The following PADI1 variants were observed in gnomAD, a reference collection of about 807,000 sequenced individuals.
PADI1 encodes the protein protein-arginine deiminase type-1.
Under a neutral mutation model 74.8 loss-of-function variants are expected in PADI1, and 65 were observed. The observed-to-expected ratio is 0.87, with a 90% CI of 0.71 to 1.07. The LOEUF is 1.07. PADI1 is among the 50% of genes least tolerant of loss of function. The pLI, the probability that PADI1 is intolerant of heterozygous loss-of-function variation, is 0.00. For synonymous variants in PADI1, 371 were observed against 336.2 expected (o/e 1.10, Z -1.13); for missense variants, 943 against 854.0 (o/e 1.10, Z -1.30).
intron 2 of PADI1, 76 bp downstream of exon 2, chr1:17,222,546 T>C (rs1014506259): frequency 8.8e-7 from 1 of 1,142,852 alleles, no homozygotes; most frequent in South Asian, 1.3e-5. Flanking sequence ...ACATTGGCAA[T>C]TCCCATTCCA....
At chr1:17,211,428 G>A (rs1430160240) in intron 1 of PADI1, among the ~76,000 whole-genome samples, 5 of 151,988 alleles carry the variant, frequency 3.3e-5, no homozygotes, top group Admixed American at 6.6e-5. Context: ...CAAAGTGCTC[G>A]GATTACAGGC....
At chr1:17,226,003 G>A (rs760858654) in intron 5 of PADI1, 30 bp from the exon 6 acceptor site, 1 of 1,612,620 alleles carries the variant, frequency 6.2e-7, no homozygotes, top group Non-Finnish European at 8.5e-7. Context: ...GGTGGAGAAA[G>A]GGCGATCTCA....
intron 1 of PADI1, among the ~76,000 whole-genome samples, chr1:17,210,022 T>C (rs1317796352): frequency 6.6e-6 from 1 of 152,070 alleles, no homozygotes; most frequent in Non-Finnish European, 1.5e-5. Context: ...GTATTTTTAA[T>C]GGAGACAAGG....
chr1:17,239,638 C>G (rs1393053320), intron 13 of PADI1, 66 bp from the exon 14 acceptor site: 1 of 1,190,480 alleles, frequency 8.4e-7, no homozygotes, highest in African/African-American at 1.5e-5. Context: ...GATTATGTAG[C>G]CCCAGGCTGA....
chr1:17,231,666 T>A (rs2072493668), intron 10 of PADI1, among the ~76,000 whole-genome samples: 1 of 152,176 alleles, frequency 6.6e-6, no homozygotes, highest in Non-Finnish European at 1.5e-5. Flanking sequence ...TCTGCTCTCA[T>A]CTTTATCATT....
At chr1:17,210,502 C>G (rs1021064322) in intron 1 of PADI1, among the ~76,000 whole-genome samples, 1 of 152,112 alleles carries the variant, frequency 6.6e-6, no homozygotes, top group Admixed American at 6.6e-5. Flanking sequence ...AGCTGTCCCT[C>G]TTCTCCAGCC....
At chr1:17,233,984 G>A (rs375565683) in intron 11 of PADI1, among the ~76,000 whole-genome samples, 1 of 152,210 alleles carries the variant, frequency 6.6e-6, no homozygotes, top group East Asian at 1.9e-4. Flanking sequence ...CTACTGTGTG[G>A]GCTGTTCTAC....
chr1:17,228,152 G>A (rs2072375610), intron 6 of PADI1, among the ~76,000 whole-genome samples: 1 of 152,010 alleles, frequency 6.6e-6, no homozygotes, highest in South Asian at 2.1e-4. Flanking sequence ...CACCACGCCT[G>A]GCTATTTTAA....
chr1:17,215,819 A>C (rs976628932), intron 1 of PADI1, among the ~76,000 whole-genome samples: 4 of 152,248 alleles, frequency 2.6e-5, no homozygotes, highest in African/African-American at 9.6e-5. Flanking sequence ...AGCATAAAAC[A>C]GAAAAAAAAT....
chr1:17,229,193 G>A, intron 8 of PADI1, 142 bp downstream of exon 8: 1 of 656,778 alleles, frequency 1.5e-6, no homozygotes, highest in South Asian at 1.8e-5. Flanking sequence ...CAGGACAGCA[G>A]CAGGTGGGCT....
In PADI1 at chr1:17,229,045, T is replaced by C. The variant is rs779713954; in HGVS notation, c.923T>C (p.Val308Ala). 6.4e-7 allele frequency: 1 copy of C among 1,559,702 alleles called. No individual in the cohort carries two copies. Among genetic ancestry groups the C allele is most frequent in the Non-Finnish European group, 8.7e-7 (1 of 1,148,914 alleles). Reference protein sequence around the residue: ...PNTQPPEELYVCRVMDTHGSN... With the variant: ...PNTQPPEELYACRVMDTHGSN... Reference sequence around the variant, plus strand: ...ACTCAGCCTCCTGAGGAGCTGTATGTGTGCAGGTGAGGCTCCCTCCCTCCA... The same window carrying C: ...ACTCAGCCTCCTGAGGAGCTGTATGCGTGCAGGTGAGGCTCCCTCCCTCCA... Residue 308 changes from valine to alanine, a missense_variant, in exon 8 of 16, where the codon GTG (valine) becomes GCG (alanine). Coordinates refer to ENST00000375471, the MANE Select transcript of PADI1 (RefSeq NM_013358.3).
intron 11 of PADI1, among the ~76,000 whole-genome samples, chr1:17,235,218 G>C (rs1415529497): frequency 2.4e-5 from 3 of 122,794 alleles, no homozygotes; most frequent in Non-Finnish European, 5.1e-5. Context: ...GGGAGGAAGG[G>C]AAGGAAGGAA....
At position 17,228,608 on chromosome 1, in the gene PADI1, A is replaced by T. The variant is rs181199249; in HGVS notation, c.653-17A>T. 208 of 1,613,710 alleles carry T rather than the reference A, an allele frequency of 1.3e-4. No homozygotes were observed. The highest frequency in any genetic ancestry group is 1.7e-4 in the Non-Finnish European group (198 of 1,179,836). On this transcript the variant is annotated splice_polypyrimidine_tract_variant and intron_variant, in intron 6 of 15. Transcript: ENST00000375471. ...ACCCCTGTCTCCTCGCTAGCCCCTG[A>T]CTCTTGTTCTTCCTAGGTGGGAATT...
intron 11 of PADI1, among the ~76,000 whole-genome samples, chr1:17,233,333 A>C (rs74577293): frequency 1.2e-3 from 180 of 152,336 alleles, no homozygotes; most frequent in Non-Finnish European, 2.2e-3. Context: ...GAGACAGAGG[A>C]ATAGACTCAT....
At chr1:17,226,588 C>G (rs761425746) in intron 6 of PADI1, among the ~76,000 whole-genome samples, 1 of 152,184 alleles carries the variant, frequency 6.6e-6, no homozygotes, top group Non-Finnish European at 1.5e-5. Flanking sequence ...CAGAACCTGT[C>G]TTTCTCATCA....
chr1:17,231,323 A>G (rs1413121668), intron 10 of PADI1, among the ~76,000 whole-genome samples: 1 of 152,200 alleles, frequency 6.6e-6, no homozygotes, highest in African/African-American at 2.4e-5. Flanking sequence ...CAGCAAGTTA[A>G]TAGTGGCACC....
chr1:17,230,194 G>A lies in PADI1; in HGVS notation c.1039G>A (p.Asp347Asn). The A allele has an allele frequency of 6.2e-7, 1 of 1,614,012 alleles. No individual in the cohort carries two copies. Among genetic ancestry groups the A allele is most frequent in the Admixed American group, 1.7e-5 (1 of 60,008 alleles). ...TICPQVENRN[D>N]RWIQDEMEFG... ...CTGCCCTCAAGTTGAAAATCGAAAT[G>A]ACCGCTGGATCCAGGTGGGAGCTGG... is the stretch of plus-strand genomic sequence containing the variant. Residue 347 changes from aspartate (D) to asparagine (N), a missense_variant, in exon 9 of 16, where the codon GAC becomes AAC. Coordinates refer to ENST00000375471, the MANE Select transcript of PADI1 (RefSeq NM_013358.3).
intron 1 of PADI1, among the ~76,000 whole-genome samples, chr1:17,207,478 A>G (rs1269334009): frequency 8.5e-5 from 13 of 152,248 alleles, no homozygotes; most frequent in Non-Finnish European, 4.4e-5. Context: ...AAATGAGCCC[A>G]TGCATGTATA....
chr1:17,243,772 T>G (rs1408336223), intron 15 of PADI1, among the ~76,000 whole-genome samples: 2 of 152,156 alleles, frequency 1.3e-5, no homozygotes, highest in Non-Finnish European at 2.9e-5. Context: ...TGTTTTTTAA[T>G]GTACAAAATT....
Sources: gnomAD v4.1 joint callset for allele counts (sites outside exome capture counted in the v4.1 genomes callset) on GRCh38, gnomAD v4.1.1 for gene constraint, MANE v1.5 for transcripts, NCBI Gene and HGNC (gene_info 2026-07-23, HGNC 2026-07-21) for gene names.